MSR1: variants seen among roughly 807,000 people sequenced by gnomAD.
MSR1 encodes the protein macrophage scavenger receptor 1, also known as macrophage scavenger receptor types I and II.
MSR1 carries 53 observed loss-of-function variants against 47.2 expected under a neutral mutation model. The observed-to-expected ratio is 1.12, with a 90% confidence interval of 0.90 to 1.41. The LOEUF is 1.41. Among genes scored for constraint, MSR1 ranks in the 40% most tolerant of loss-of-function variants. The pLI is 0.00. For synonymous variants in MSR1, 239 were observed against 185.6 expected (o/e 1.29, Z -2.34); for missense variants, 786 against 546.9 (o/e 1.44, Z -4.36).
At chr8:16,153,822 T>C (rs1331659045) in intron 6 of MSR1, among the ~76,000 whole-genome samples, 2 of 151,986 alleles carry the variant, frequency 1.3e-5, no homozygotes, top group African/African-American at 2.4e-5. Flanking sequence ...GCAGATTTAA[T>C]ACTGGTTATT....
chr8:16,145,922 G>T (rs1209662567), intron 7 of MSR1, among the ~76,000 whole-genome samples: 1 of 152,080 alleles, frequency 6.6e-6, no homozygotes, highest in Non-Finnish European at 1.5e-5. Context: ...CCTATCCTAT[G>T]TATTACTCTT....
At chr8:16,146,553 G>A (rs1040509469) in intron 7 of MSR1, among the ~76,000 whole-genome samples, 5 of 151,976 alleles carry the variant, frequency 3.3e-5, no homozygotes, top group Non-Finnish European at 7.4e-5. Flanking sequence ...TCTGAACAAT[G>A]GCAACATCCC....
intron 9 of MSR1, among the ~76,000 whole-genome samples, chr8:16,111,845 G>T (rs1169147843): frequency 6.6e-6 from 1 of 152,128 alleles, no homozygotes; most frequent in Non-Finnish European, 1.5e-5. Context: ...CAAGGATAAG[G>T]AACTGTACGT....
At chr8:16,134,074 G>C (rs1800327330) in intron 8 of MSR1, among the ~76,000 whole-genome samples, 2 of 152,096 alleles carry the variant, frequency 1.3e-5, no homozygotes, top group Non-Finnish European at 2.9e-5. Flanking sequence ...GTAAAACTGA[G>C]TTCTCTTTTT....
intron 8 of MSR1, chr8:16,140,666 A>G: frequency 8.0e-7 from 1 of 1,256,838 alleles, no homozygotes; most frequent in Non-Finnish European, 1.0e-6. Context: ...AATTGGGTTC[A>G]AGACTCTAGG....
chr8:16,111,602 G>A (rs1394541298), intron 9 of MSR1, among the ~76,000 whole-genome samples: 1 of 152,172 alleles, frequency 6.6e-6, no homozygotes, highest in African/African-American at 2.4e-5. Flanking sequence ...GTTGACTAAT[G>A]TGCTGACATG....
chr8:16,146,384 C>A (rs937088026), intron 7 of MSR1, among the ~76,000 whole-genome samples: 3 of 151,896 alleles, frequency 2.0e-5, no homozygotes, highest in African/African-American at 7.2e-5. Context: ...AAAAAAAAAC[C>A]ATATGAAACA....
At chr8:16,129,762 A>G (rs189541686) in intron 8 of MSR1, among the ~76,000 whole-genome samples, 2 of 86,650 alleles carry the variant, frequency 2.3e-5, no homozygotes, top group Admixed American at 2.4e-4. Context: ...ACGCCCTAAA[A>G]AAGATTTACA....
At chr8:16,181,645 G>C (rs539655720) in intron 1 of MSR1, among the ~76,000 whole-genome samples, 123 of 152,084 alleles carry the variant, frequency 8.1e-4, no homozygotes, top group African/African-American at 2.9e-3. Flanking sequence ...ACTAGGGCCT[G>C]TCAGGGGGTG....
chr8:16,189,369 TA>T (rs1802103751), intron 1 of MSR1, among the ~76,000 whole-genome samples: 1 of 120,756 alleles, frequency 8.3e-6, no homozygotes, highest in Non-Finnish European at 1.6e-5. Flanking sequence ...TTTTTATATA[TA>T]TTTTATATAT....
At chr8:16,130,640 C>A (rs1164957144) in intron 8 of MSR1, among the ~76,000 whole-genome samples, 1 of 151,936 alleles carries the variant, frequency 6.6e-6, no homozygotes, top group African/African-American at 2.4e-5. Flanking sequence ...TCCCACCTTC[C>A]ACCCTCAAGT....
chr8:16,140,065 T>C, intron 8 of MSR1: 1 of 846,200 alleles, frequency 1.2e-6, no homozygotes, highest in East Asian at 1.4e-4. Context: ...CTCATGGAGG[T>C]ACATAATGGA....
intron 1 of MSR1, among the ~76,000 whole-genome samples, chr8:16,184,816 A>T (rs922312839): frequency 4.6e-5 from 7 of 151,698 alleles, no homozygotes; most frequent in African/African-American, 1.4e-4. Flanking sequence ...ATTTTTTTTT[A>T]GCATATAGAA....
chr8:16,160,255 A>G (rs1466340664), intron 5 of MSR1, among the ~76,000 whole-genome samples: 4 of 152,066 alleles, frequency 2.6e-5, no homozygotes, highest in African/African-American at 9.7e-5. Flanking sequence ...ATATAAAGAA[A>G]TGACAAAGGA....
intron 8 of MSR1, among the ~76,000 whole-genome samples, chr8:16,125,474 T>C (rs949751167): frequency 1.3e-5 from 2 of 152,208 alleles, no homozygotes; most frequent in African/African-American, 2.4e-5. Context: ...ATATCTCTGC[T>C]GATTCATTGA....
At chr8:16,191,195 A>T (rs1802190428) in intron 1 of MSR1, among the ~76,000 whole-genome samples, 1 of 152,212 alleles carries the variant, frequency 6.6e-6, no homozygotes, top group Non-Finnish European at 1.5e-5. Context: ...TGCTTAAGGA[A>T]CCCGTCTGTA....
intron 5 of MSR1, among the ~76,000 whole-genome samples, chr8:16,163,505 A>C (rs1433236659): frequency 6.6e-6 from 1 of 151,610 alleles, no homozygotes; most frequent in Admixed American, 6.6e-5. Context: ...TAAAACTAAA[A>C]TATCTAAAAT....
At chr8:16,160,597 G>C (rs1438069200) in intron 5 of MSR1, among the ~76,000 whole-genome samples, 2 of 151,946 alleles carry the variant, frequency 1.3e-5, no homozygotes, top group African/African-American at 4.8e-5. Context: ...AAACTATGAG[G>C]AAATTAAAGC....
chr8:16,140,266 GCT>G lies in MSR1; in HGVS notation c.1033+3290_1033+3291del, dbSNP rs1800519043. On this transcript the variant is annotated intron_variant, in intron 8 of 9. Coordinates refer to ENST00000262101, the MANE Select transcript of MSR1 (RefSeq NM_138715.3). ...AGTCCAGCCTGTGCAATAGAACAAG[GCT>G]CTGTCTCTTAAAACAAGAAAAAGAA... 3 of 983,550 alleles carry G rather than the reference GCT, an allele frequency of 3.1e-6. No homozygotes were observed. The African/African-American group carries it at 5.3e-5, about 17-fold the overall frequency. The allele number at this position is 983,550 out of a possible 1,614,324, so 60.9% of individuals were successfully genotyped here.
Sources: gnomAD v4.1 joint callset for allele counts (sites outside exome capture counted in the v4.1 genomes callset) on GRCh38, gnomAD v4.1.1 for gene constraint, MANE v1.5 for transcripts, NCBI Gene and HGNC (gene_info 2026-07-23, HGNC 2026-07-21) for gene names.